The following CDH13 variants were observed in gnomAD, a reference collection of about 807,000 sequenced individuals.
CDH13 encodes the protein cadherin 13.
CDH13 carries 24 observed loss-of-function variants against 63.8 expected under a neutral mutation model. That is an observed-to-expected ratio of 0.38 (90% CI 0.27 to 0.53). The LOEUF (loss-of-function observed/expected upper bound fraction) is 0.53. Among genes scored for constraint, CDH13 ranks in the 20% least tolerant of loss-of-function variants. The pLI, the probability that CDH13 is intolerant of heterozygous loss-of-function variation, is 0.85. For missense variants in CDH13, 1,049 were observed against 903.1 expected, an observed-to-expected ratio of 1.16 and a Z score of -2.07; for synonymous variants, 503 against 355.3, an observed-to-expected ratio of 1.42 and a Z score of -4.67.
chr16:83,266,511 C>G (rs974694548), intron 5 of CDH13, among the ~76,000 whole-genome samples: 7 of 152,186 alleles, frequency 4.6e-5, no homozygotes, highest in African/African-American at 1.2e-4. Context: ...TTGTTGTATT[C>G]CTCAGAAAGT....
intron 8 of CDH13, among the ~76,000 whole-genome samples, chr16:83,668,608 C>T (rs1050098085): frequency 6.6e-6 from 1 of 152,216 alleles, no homozygotes; most frequent in African/African-American, 2.4e-5. Context: ...AGTCCTTTGG[C>T]TCTGGACCGC....
chr16:83,001,969 G>C (rs12924771), intron 2 of CDH13, among the ~76,000 whole-genome samples: 4 of 152,172 alleles, frequency 2.6e-5, no homozygotes, highest in Non-Finnish European at 5.9e-5. Context: ...CACCTTAAAA[G>C]TTCCAACCAC....
chr16:82,943,213 CT>C (rs897300176), intron 2 of CDH13, among the ~76,000 whole-genome samples: 21 of 152,114 alleles, frequency 1.4e-4, no homozygotes, highest in Non-Finnish European at 2.4e-4. Flanking sequence ...CTGTTACAGA[CT>C]TTTTTTCTCA....
chr16:83,157,319 C>G (rs1285860423), intron 4 of CDH13, among the ~76,000 whole-genome samples: 3 of 152,100 alleles, frequency 2.0e-5, no homozygotes, highest in Non-Finnish European at 4.4e-5. Context: ...GGTAGTGAAC[C>G]ATGTGCCTAC....
chr16:83,655,947 A>G (rs1912830826), intron 8 of CDH13, among the ~76,000 whole-genome samples: 1 of 152,176 alleles, frequency 6.6e-6, no homozygotes, highest in Admixed American at 6.5e-5. Flanking sequence ...GGCTCCACCA[A>G]GGTTGGTAGG....
chr16:83,107,974 A>G (rs554477864), intron 3 of CDH13, among the ~76,000 whole-genome samples: 161 of 152,010 alleles, frequency 1.1e-3, no homozygotes, highest in African/African-American at 3.5e-3. Context: ...GCCTGCCACC[A>G]CAGCCACCCA....
chr16:82,838,018 C>T (rs1259017998), intron 1 of CDH13, among the ~76,000 whole-genome samples: 1 of 152,198 alleles, frequency 6.6e-6, no homozygotes, highest in Non-Finnish European at 1.5e-5. Flanking sequence ...AACTCTCTGG[C>T]TTCATCCCCA....
chr16:82,960,819 TA>T (rs968174184), intron 2 of CDH13, among the ~76,000 whole-genome samples: 13 of 152,200 alleles, frequency 8.5e-5, no homozygotes, highest in East Asian at 3.9e-4. Flanking sequence ...TTTTAATCTT[TA>T]AAAAAAATTA....
intron 6 of CDH13, among the ~76,000 whole-genome samples, chr16:83,425,900 A>C (rs1354501775): frequency 6.6e-6 from 1 of 152,136 alleles, no homozygotes; most frequent in South Asian, 2.1e-4. Flanking sequence ...GGCACTACAG[A>C]TACAGCATTG....
At chr16:82,754,877 C>A (rs1047349004) in intron 1 of CDH13, among the ~76,000 whole-genome samples, 1 of 152,174 alleles carries the variant, frequency 6.6e-6, no homozygotes, top group African/African-American at 2.4e-5. Flanking sequence ...GCCAAGAGTG[C>A]ATAGAAAGGT....
intron 3 of CDH13, among the ~76,000 whole-genome samples, chr16:83,079,105 A>G (rs1047108683): frequency 5.9e-5 from 9 of 152,082 alleles, no homozygotes; most frequent in African/African-American, 1.9e-4. Flanking sequence ...CAGGTTTTTC[A>G]TGCATTGAAG....
intron 6 of CDH13, among the ~76,000 whole-genome samples, chr16:83,464,067 T>G (rs1042095794): frequency 1.3e-5 from 2 of 152,084 alleles, no homozygotes; most frequent in African/African-American, 4.8e-5. Context: ...TAGGGGGATT[T>G]TATTGTTTTG....
intron 5 of CDH13, among the ~76,000 whole-genome samples, chr16:83,306,890 T>C (rs1038850580): frequency 5.9e-5 from 9 of 152,104 alleles, no homozygotes; most frequent in Non-Finnish European, 1.2e-4. Context: ...CAACACGAAA[T>C]GGGCTAAGAC....
intron 4 of CDH13, among the ~76,000 whole-genome samples, chr16:83,164,387 C>G (rs1333812609): frequency 6.6e-6 from 1 of 151,978 alleles, no homozygotes; most frequent in African/African-American, 2.4e-5. Context: ...GGTCACAATC[C>G]ACGTCCCTCT....
intron 7 of CDH13, among the ~76,000 whole-genome samples, chr16:83,539,757 C>G (rs1377828770): frequency 6.6e-6 from 1 of 152,158 alleles, no homozygotes; most frequent in Non-Finnish European, 1.5e-5. Context: ...GATGAAGTAC[C>G]TTGTCCAAGG....
At chr16:83,254,819 G>A (rs1005634096) in intron 5 of CDH13, among the ~76,000 whole-genome samples, 1 of 152,076 alleles carries the variant, frequency 6.6e-6, no homozygotes, top group African/African-American at 2.4e-5. Context: ...ACTGATTCCT[G>A]TACCAAGCCT....
At chr16:82,707,297 A>G (rs77044607) in intron 1 of CDH13, among the ~76,000 whole-genome samples, 1,586 of 152,328 alleles carry the variant, frequency 0.01, 19 homozygotes, top group African/African-American at 0.037. Flanking sequence ...GATTTCAAAG[A>G]GAAGGGAGTT....
chr16:83,560,651 T>C (rs2075686457), intron 7 of CDH13, among the ~76,000 whole-genome samples: 1 of 152,232 alleles, frequency 6.6e-6, no homozygotes, highest in Non-Finnish European at 1.5e-5. Flanking sequence ...ACAAAAATGG[T>C]CATTGGTCCC....
rs1263211203 is a variant in CDH13, at chr16:82,644,979, C to G, written c.45+17842C>G. Among the ~76,000 whole-genome samples the G allele has an allele frequency of 2.0e-5, 3 of 152,022 alleles. No homozygotes were observed. The highest frequency in any genetic ancestry group is 7.3e-5 in the African/African-American group (3 of 41,376). On this transcript the variant is annotated intron_variant, in intron 1 of 13. Transcript: ENST00000567109. This position sits in a 1 kb window ranked among gnomAD's most constrained non-coding sequence, Gnocchi z 5.7. ...AAAACTCTGGAGTTAGAGAAGTGGA[C>G]CAGATTGGGTTTTGTTTTTTCACAA...
Sources: allele counts gnomAD v4.1 joint callset (sites outside exome capture counted in the v4.1 genomes callset), GRCh38; gene constraint gnomAD v4.1.1; non-coding constraint Gnocchi (gnomAD v3.1); transcripts MANE v1.5; gene names NCBI Gene and HGNC (gene_info 2026-07-23, HGNC 2026-07-21).